The following PLXNA2 variants were observed in gnomAD, a reference collection of about 807,000 sequenced individuals.
PLXNA2 encodes plexin A2, also known as plexin-A2.
A neutral mutation model predicts 193.5 loss-of-function variants in PLXNA2; 91 were observed. That is an observed-to-expected ratio of 0.47 (90% confidence interval 0.40 to 0.56). PLXNA2 has a LOEUF of 0.56. Ranked by LOEUF, PLXNA2 falls within the 20% of genes least tolerant of loss-of-function variation. The pLI, the probability that PLXNA2 is intolerant of heterozygous loss-of-function variation, is 0.00. For missense variants in PLXNA2, 1,995 were observed against 2,503.2 expected (o/e 0.80, Z 4.33); for synonymous variants, 997 against 1,027.3 (o/e 0.97, Z 0.56).
intron 29 of PLXNA2, chr1:208,029,297 G>A (rs1385687200): frequency 5.3e-6 from 7 of 1,309,924 alleles, no homozygotes; most frequent in Middle Eastern, 3.0e-4. Flanking sequence ...GGGCCTGGGT[G>A]TGTTCTGTTC....
Position 208,033,341 on chromosome 1 carries a change from A to C in PLXNA2, c.5033T>G (p.Leu1678Arg). The change falls in exon 28 of 32, where the codon CTG (leucine) becomes CGG (arginine). Residue 1678 changes from leucine to arginine, a missense_variant. Leu to Arg is a moderately radical substitution (Grantham distance 102). Transcript: ENST00000367033. ...TACCTTGGTGGCCAGTAGCCGGGTC[A>C]GGTAGATCTCGGACACCATCTTGCT... ...RGSKMVSEIYLTRLLATKGTL... is the reference protein window; with the variant it reads ...RGSKMVSEIYRTRLLATKGTL... 1 of 1,613,522 alleles carries C rather than the reference A, an allele frequency of 6.2e-7. No homozygotes were observed. Among genetic ancestry groups the C allele is most frequent in the Non-Finnish European group, 8.5e-7 (1 of 1,179,546 alleles).
At position 208,237,263 on chromosome 1, in the gene PLXNA2, G is replaced by A. The variant is rs556922245; in HGVS notation, c.-81+6380C>T. 1.9e-4 allele frequency among the ~76,000 whole-genome samples: 29 copies of A among 152,334 alleles called. No individual in the cohort carries two copies. The South Asian group carries it at 6.0e-3, about 32-fold the overall frequency. ...AGCCCGAGGAGTGGACAGCCAAGGT[G>A]TAGGGATAAAATCCAAATCTTCCCT... On this transcript the variant is annotated intron_variant, in intron 1 of 31. Transcript: ENST00000367033.
intron 12 of PLXNA2, among the ~76,000 whole-genome samples, chr1:208,066,083 A>G (rs1046558971): frequency 1.3e-5 from 2 of 151,938 alleles, no homozygotes; most frequent in Admixed American, 1.3e-4. Context: ...ATGTGGAGAG[A>G]GAGGGAAGGG....
At chr1:208,102,331 T>C (rs965385706) in intron 5 of PLXNA2, among the ~76,000 whole-genome samples, 1 of 152,256 alleles carries the variant, frequency 6.6e-6, no homozygotes, top group Non-Finnish European at 1.5e-5. Flanking sequence ...CATGGAGCCC[T>C]GGAGTTTCCA....
chr1:208,162,495 C>G (rs916894022), intron 3 of PLXNA2, among the ~76,000 whole-genome samples: 2 of 152,140 alleles, frequency 1.3e-5, no homozygotes, highest in Non-Finnish European at 2.9e-5. Context: ...GAGGTCCTTT[C>G]TAGCTTTGGC....
chr1:208,134,054 GA>G (rs1376940760), intron 4 of PLXNA2, among the ~76,000 whole-genome samples: 4 of 152,138 alleles, frequency 2.6e-5, no homozygotes, highest in African/African-American at 9.7e-5. Flanking sequence ...TGCCCATTTA[GA>G]GAAATGAGGT....
intron 3 of PLXNA2, among the ~76,000 whole-genome samples, chr1:208,169,418 TTC>T (rs1669421573): frequency 1.3e-5 from 2 of 152,352 alleles, no homozygotes; most frequent in South Asian, 4.1e-4. Flanking sequence ...TCATGAATAT[TTC>T]TCTGTCTTCC....
At chr1:208,083,533 A>G (rs1666415212) in intron 10 of PLXNA2, among the ~76,000 whole-genome samples, 1 of 151,760 alleles carries the variant, frequency 6.6e-6, no homozygotes, top group Non-Finnish European at 1.5e-5. Flanking sequence ...ACCGATTACA[A>G]ATTCTATCTA....
At chr1:208,128,082 G>T (rs145389654) in intron 4 of PLXNA2, among the ~76,000 whole-genome samples, 3 of 152,146 alleles carry the variant, frequency 2.0e-5, no homozygotes, top group Non-Finnish European at 4.4e-5. Context: ...AGAGAGATCC[G>T]GAGCCAAGAA....
intron 4 of PLXNA2, among the ~76,000 whole-genome samples, chr1:208,128,440 C>G (rs891426798): frequency 6.6e-6 from 1 of 152,114 alleles, no homozygotes; most frequent in African/African-American, 2.4e-5. Flanking sequence ...AGGGATTTCA[C>G]CTTCTCAGCA....
At chr1:208,093,721 T>C (rs1357188517) in intron 8 of PLXNA2, among the ~76,000 whole-genome samples, 1 of 152,180 alleles carries the variant, frequency 6.6e-6, no homozygotes, top group Admixed American at 6.5e-5. Flanking sequence ...AGGATATGTG[T>C]GTGGTATGTG....
intron 17 of PLXNA2, among the ~76,000 whole-genome samples, chr1:208,048,260 G>A (rs2102329754): frequency 6.6e-6 from 1 of 152,294 alleles, no homozygotes; most frequent in Admixed American, 6.5e-5. Flanking sequence ...GCTATCCACT[G>A]GGGCAGCTTC....
chr1:208,096,976 T>A, intron 6 of PLXNA2, 93 bp from the exon 7 acceptor site: 2 of 1,181,882 alleles, frequency 1.7e-6, no homozygotes, highest in South Asian at 2.9e-5. Flanking sequence ...TGCTCACTGA[T>A]CTCCCCTGAC....
chr1:208,079,266 G>A lies in PLXNA2; in HGVS notation c.2580C>T (p.Ile860=), dbSNP rs774368798. The A allele has an allele frequency of 1.9e-6, 3 of 1,603,296 alleles. No individual in the cohort carries two copies. Among genetic ancestry groups the A allele is most frequent in the Non-Finnish European group, 2.6e-6 (3 of 1,170,876 alleles). The change falls in exon 12 of 32, where the codon ATC becomes ATT. Residue 860 remains isoleucine, a synonymous_variant. Transcript: ENST00000367033. ...AGAGACTTGCAGGACTTACCTCGGT[G>A]ATTTGAGGGTTGGAGCACTTGACAT... ...SHNVKCSNPQ[I]TEILTVSGPP... is the part of the protein sequence containing the mutation.
At chr1:208,080,359 T>C (rs1666294751) in intron 11 of PLXNA2, among the ~76,000 whole-genome samples, 1 of 152,196 alleles carries the variant, frequency 6.6e-6, no homozygotes, top group African/African-American at 2.4e-5. Flanking sequence ...AAAGTGCTAG[T>C]ATAACCAGCG....
chr1:208,104,903 G>A (rs1215040549), intron 4 of PLXNA2, among the ~76,000 whole-genome samples: 2 of 152,294 alleles, frequency 1.3e-5, no homozygotes, highest in East Asian at 3.9e-4. Flanking sequence ...GTTTAAGACG[G>A]GGGATAGCTG....
chr1:208,168,063 C>T (rs552608235), intron 3 of PLXNA2, among the ~76,000 whole-genome samples: 1 of 152,304 alleles, frequency 6.6e-6, no homozygotes, highest in South Asian at 2.1e-4. Flanking sequence ...CCTGGTTTTG[C>T]TACTCATGGG....
Position 208,052,438 on chromosome 1 carries a change from G to A in PLXNA2, c.2882C>T (p.Pro961Leu). Residue 961 changes from proline to leucine, a missense_variant, in exon 15 of 32, where the codon CCA (proline) becomes CTA (leucine). This residue lies in a region of PLXNA2 where 1,291 missense variants were observed against 1,673.6 expected (regional missense o/e 0.77). Transcript: ENST00000367033. ...FVNPSVLSLNPIRGPESGGTM... is the reference protein window; with the variant it reads ...FVNPSVLSLNLIRGPESGGTM... ...GCCTCCTGACTCGGGACCTCGGATT[G>A]GGTTGAGTGACAGCACAGAAGGGTT... The A allele has an allele frequency of 6.2e-7, 1 of 1,614,096 alleles. No individual in the cohort carries two copies. Among genetic ancestry groups the A allele is most frequent in the Non-Finnish European group, 8.5e-7 (1 of 1,179,966 alleles).
intron 1 of PLXNA2, among the ~76,000 whole-genome samples, chr1:208,239,354 C>T (rs1671973456): frequency 6.6e-6 from 1 of 152,108 alleles, no homozygotes; most frequent in African/African-American, 2.4e-5. Context: ...GAGCTCTGTC[C>T]ACCCCCATTC....
Sources: gnomAD v4.1 joint callset for allele counts (sites outside exome capture counted in the v4.1 genomes callset) on GRCh38, gnomAD v4.1.1 for gene constraint, gnomAD v4.1.1 regional missense constraint, MANE v1.5 for transcripts, NCBI Gene and HGNC (gene_info 2026-07-23, HGNC 2026-07-21) for gene names.